The following CALD1 variants were observed in gnomAD, a reference collection of about 807,000 sequenced individuals.
The protein encoded by CALD1 is caldesmon.
A neutral mutation model predicts 99.9 loss-of-function variants in CALD1; 33 were observed. The observed-to-expected ratio is 0.33, with a 90% CI of 0.25 to 0.44. The LOEUF is 0.44. CALD1 is among the 20% of genes least tolerant of loss of function. The probability of loss-of-function intolerance (pLI) is 1.00; values close to 1 mark genes in which losing one functional copy is unlikely to be tolerated. For missense variants in CALD1, 861 were observed against 962.1 expected (o/e 0.89, Z 1.39); for synonymous variants, 310 against 325.0 (o/e 0.95, Z 0.50).
At chr7:134,744,592 T>G (rs17168010) in intron 1 of CALD1, among the ~76,000 whole-genome samples, 5,883 of 152,022 alleles carry the variant, frequency 0.039, 237 homozygotes, top group East Asian at 0.11. Flanking sequence ...ATGTAGATGT[T>G]ACCTGAATTC....
intron 7 of CALD1, among the ~76,000 whole-genome samples, chr7:134,941,739 T>C (rs903521689): frequency 1.8e-4 from 27 of 152,170 alleles, no homozygotes; most frequent in African/African-American, 6.5e-4. Flanking sequence ...CTCAGATTTC[T>C]TTACCACATG....
intron 14 of CALD1, among the ~76,000 whole-genome samples, chr7:134,966,843 T>C (rs944561697): frequency 6.6e-6 from 1 of 152,192 alleles, no homozygotes; most frequent in African/African-American, 2.4e-5. Context: ...CTCTAGCCTA[T>C]GCTATTAGCG....
chr7:134,731,927 C>T, the CALD1 span, among the ~76,000 whole-genome samples: 1 of 152,086 alleles, frequency 6.6e-6, no homozygotes, highest in African/African-American at 2.4e-5. Flanking sequence ...TTTATTTTTT[C>T]CAATTTCTAT....
the CALD1 span, among the ~76,000 whole-genome samples, chr7:134,711,964 G>A: frequency 7.0e-6 from 1 of 142,646 alleles, no homozygotes; most frequent in Non-Finnish European, 1.5e-5. Context: ...CACAGTTCCT[G>A]GTGTATAGGT....
At chr7:134,915,265 T>A (rs1018959036) in intron 3 of CALD1, among the ~76,000 whole-genome samples, 1 of 152,228 alleles carries the variant, frequency 6.6e-6, no homozygotes, top group Non-Finnish European at 1.5e-5. Flanking sequence ...TGAACTGTCC[T>A]TGCCTCCAAG....
chr7:134,857,158 CTTTTTTT>C (rs59210460), intron 2 of CALD1, among the ~76,000 whole-genome samples: 5 of 75,364 alleles, frequency 6.6e-5, no homozygotes, highest in Admixed American at 2.0e-4. Flanking sequence ...TTGCGCTATT[CTTTTTTT>C]TTTTTTTTTT....
chr7:134,856,325 G>A (rs182800345), intron 2 of CALD1, among the ~76,000 whole-genome samples: 114 of 152,274 alleles, frequency 7.5e-4, no homozygotes, highest in African/African-American at 2.5e-3. Flanking sequence ...TCTGGGCTGG[G>A]GCTCCTAAGA....
intron 1 of CALD1, among the ~76,000 whole-genome samples, chr7:134,788,531 A>G (rs1229422651): frequency 6.6e-6 from 1 of 152,230 alleles, no homozygotes; most frequent in Non-Finnish European, 1.5e-5. Flanking sequence ...GTTCAGTTAC[A>G]TGCATATTCA....
intron 1 of CALD1, among the ~76,000 whole-genome samples, chr7:134,763,782 G>C (rs568353282): frequency 5.3e-4 from 80 of 152,098 alleles, no homozygotes; most frequent in South Asian, 1.2e-3. Context: ...GCTGGATGTG[G>C]TGGCAGGCAC....
chr7:134,825,154 T>G (rs1451529487), intron 1 of CALD1, among the ~76,000 whole-genome samples: 1 of 152,042 alleles, frequency 6.6e-6, no homozygotes, highest in East Asian at 1.9e-4. Context: ...CTTCAAAGCT[T>G]TAAGATTTAG....
At chr7:134,924,129 G>C (rs1804811286) in intron 3 of CALD1, among the ~76,000 whole-genome samples, 1 of 152,142 alleles carries the variant, frequency 6.6e-6, no homozygotes, top group Non-Finnish European at 1.5e-5. Flanking sequence ...GTAAATTAAA[G>C]AAATGGTTTG....
intron 1 of CALD1, among the ~76,000 whole-genome samples, chr7:134,830,547 TCC>T (rs1799178872): frequency 6.6e-6 from 1 of 152,120 alleles, no homozygotes; most frequent in Non-Finnish European, 1.5e-5. Flanking sequence ...TTTTTCCTAA[TCC>T]TCTCTCCCCT....
At chr7:134,840,169 A>G (rs1799595855) in intron 1 of CALD1, among the ~76,000 whole-genome samples, 1 of 152,194 alleles carries the variant, frequency 6.6e-6, no homozygotes, top group Non-Finnish European at 1.5e-5. Flanking sequence ...CAAATGTGTA[A>G]GTTTTCACAT....
upstream of CALD1, among the ~76,000 whole-genome samples, chr7:134,778,824 C>G (rs1269142688): frequency 6.6e-6 from 1 of 152,150 alleles, no homozygotes; most frequent in Non-Finnish European, 1.5e-5. Flanking sequence ...ATTTCTAGTA[C>G]TATCTCCACA....
chr7:134,752,464 A>C (rs1473996776), intron 1 of CALD1, among the ~76,000 whole-genome samples: 3 of 152,234 alleles, frequency 2.0e-5, no homozygotes. Flanking sequence ...ATAAAAGTGA[A>C]ACTATATATT....
intron 2 of CALD1, among the ~76,000 whole-genome samples, chr7:134,860,083 A>G (rs1177235436): frequency 6.6e-6 from 1 of 152,122 alleles, no homozygotes; most frequent in African/African-American, 2.4e-5. Flanking sequence ...AGAGAAAAGA[A>G]ACACCTTGAG....
intron 1 of CALD1, among the ~76,000 whole-genome samples, chr7:134,815,409 T>A (rs1233946423): frequency 6.6e-6 from 1 of 152,172 alleles, no homozygotes; most frequent in East Asian, 1.9e-4. Flanking sequence ...GACTTCCCAG[T>A]CCCAGTGCCT....
At chr7:134,807,406 C>G (rs1277786048) in intron 1 of CALD1, among the ~76,000 whole-genome samples, 1 of 152,108 alleles carries the variant, frequency 6.6e-6, no homozygotes, top group East Asian at 1.9e-4. Context: ...TTATTACTAG[C>G]TACAGGGGGC....
intron 3 of CALD1, among the ~76,000 whole-genome samples, chr7:134,883,121 A>G (rs950454919): frequency 1.3e-5 from 2 of 152,226 alleles, no homozygotes; most frequent in Non-Finnish European, 2.9e-5. Flanking sequence ...GCACAATCGA[A>G]TAGCCTCAGA....
Sources: gnomAD v4.1 joint callset for allele counts (sites outside exome capture counted in the v4.1 genomes callset) on GRCh38, gnomAD v4.1.1 for gene constraint, MANE v1.5 for transcripts, NCBI Gene and HGNC (gene_info 2026-07-23, HGNC 2026-07-21) for gene names.